Variants in FRMD7 observed in about 807,000 individuals in gnomAD.
FRMD7 encodes the protein FERM domain-containing protein 7.
Under a neutral mutation model 44.1 loss-of-function variants are expected in FRMD7, and 14 were observed. That is an observed-to-expected ratio of 0.32 (90% CI 0.21 to 0.50). The LOEUF (loss-of-function observed/expected upper bound fraction) is 0.50. Ranked by LOEUF, FRMD7 falls within the 20% of genes least tolerant of loss-of-function variation. The pLI, the probability that FRMD7 is intolerant of heterozygous loss-of-function variation, is 0.99. For synonymous variants in FRMD7, 212 were observed against 187.4 expected, an observed-to-expected ratio of 1.13 and a Z score of -1.07; for missense variants, 501 against 522.3, an observed-to-expected ratio of 0.96 and a Z score of 0.40.
chrX:132,078,969 TGA>T lies in FRMD7; in HGVS notation c.1051-5_1051-4del. The T allele has an allele frequency of 8.3e-7, 1 of 1,205,249 alleles. No homozygotes were observed. The highest frequency in any genetic ancestry group is 1.1e-6 in the Non-Finnish European group (1 of 890,255). On this transcript the variant is annotated splice_polypyrimidine_tract_variant and splice_region_variant and intron_variant, in intron 11 of 11. Transcript: ENST00000298542. ...TATGCTAGTCTCAAATCTTCCACCT[TGA>T]GAGAATGGACACATTGGTGAAAGAA...
intron 1 of FRMD7, among the ~76,000 whole-genome samples, chrX:132,124,765 T>A (rs1485600483): frequency 9.0e-6 from 1 of 111,609 alleles, no homozygotes; most frequent in Non-Finnish European, 1.9e-5. Flanking sequence ...GAAAAAGGAA[T>A]AACCAAGGCC....
intron 1 of FRMD7, among the ~76,000 whole-genome samples, chrX:132,109,427 T>C (rs1928725613): frequency 8.9e-6 from 1 of 112,271 alleles, no homozygotes; most frequent in Non-Finnish European, 1.9e-5. Flanking sequence ...CTGGGCTTAA[T>C]TTTCATGTGC....
At chrX:132,109,842 T>A (rs1358230855) in intron 1 of FRMD7, among the ~76,000 whole-genome samples, 2 of 111,215 alleles carry the variant, frequency 1.8e-5, no homozygotes, top group Non-Finnish European at 3.8e-5. Flanking sequence ...TTAGAAAACC[T>A]GGTTTGAACA....
At position 132,104,617 on chromosome X, in the gene FRMD7, C is replaced by T. The variant is rs759299870; in HGVS notation, c.58-3901G>A. On this transcript the variant is annotated intron_variant, in intron 1 of 11. Transcript: ENST00000298542. ...CTGAGGCAGGAGAATGGTGTGAACCCGGGAGGCGGAGCTTGCAGTGAGCTG... is the reference window on the plus strand; with the variant it reads ...CTGAGGCAGGAGAATGGTGTGAACCTGGGAGGCGGAGCTTGCAGTGAGCTG... 2.0e-4 allele frequency among the ~76,000 whole-genome samples: 22 copies of T among 111,335 alleles called. 1 individual carries two copies. The highest frequency in any genetic ancestry group is 3.8e-4 in the South Asian group (1 of 2,644).
chrX:132,127,147 G>C (rs1185132957), intron 1 of FRMD7, among the ~76,000 whole-genome samples: 1 of 112,268 alleles, frequency 8.9e-6, no homozygotes, highest in Non-Finnish European at 1.9e-5. Flanking sequence ...TAAGATGTTG[G>C]AACATGAGCA....
At position 132,078,429 on chromosome X, in the gene FRMD7, G is replaced by A. The variant is rs200651852; in HGVS notation, c.1588C>T (p.Pro530Ser). The change falls in exon 12 of 12, where the codon CCA becomes TCA. Residue 530 changes from proline to serine, a missense_variant. By Grantham distance (74) the Pro-to-Ser change is moderately conservative. Coordinates refer to ENST00000298542, the MANE Select transcript of FRMD7 (RefSeq NM_194277.3). ...ATATTCCTTGGGCTTCTTTCAGCTGGCTTCATTGCAGTGGGCTCTACATAG... is the reference window on the plus strand; with the variant it reads ...ATATTCCTTGGGCTTCTTTCAGCTGACTTCATTGCAGTGGGCTCTACATAG... ...HSYVEPTAMKPAERSPRNIRM... is the reference protein window; with the variant it reads ...HSYVEPTAMKSAERSPRNIRM... 28 of 1,209,500 alleles carry A rather than the reference G, an allele frequency of 2.3e-5. No individual in the cohort carries two copies. Among genetic ancestry groups the A allele is most frequent in the Admixed American group, 2.2e-5 (1 of 45,674 alleles).
intron 9 of FRMD7, among the ~76,000 whole-genome samples, chrX:132,081,087 C>T (rs1469137516): frequency 9.0e-6 from 1 of 111,666 alleles, no homozygotes; most frequent in Non-Finnish European, 1.9e-5. Context: ...GTAATTCGAG[C>T]ACTTTGGGAG....
intron 5 of FRMD7, 46 bp downstream of exon 5, chrX:132,093,996 C>G (rs1602810829): frequency 2.5e-6 from 2 of 799,763 alleles, no homozygotes; most frequent in Middle Eastern, 2.8e-4. Flanking sequence ...GCTTGGTTCT[C>G]TACCTGGCTG....
At chrX:132,108,885 C>A (rs112094064) in intron 1 of FRMD7, among the ~76,000 whole-genome samples, 2 of 111,051 alleles carry the variant, frequency 1.8e-5, no homozygotes, top group African/African-American at 3.3e-5. Context: ...AAGAGGTGCC[C>A]GTCCGCCATG....
intron 1 of FRMD7, among the ~76,000 whole-genome samples, chrX:132,112,885 G>A (rs1928813173): frequency 9.0e-6 from 1 of 111,725 alleles, no homozygotes; most frequent in Non-Finnish European, 1.9e-5. Flanking sequence ...GAGGCCTTAT[G>A]CAGGCCTGAC....
chrX:132,085,596 T>C lies in FRMD7; in HGVS notation c.630A>G (p.Gly210=). ...GAGATTTTACCCGTAACACCAGTAC[T>C]CCCATGTGAGCAACAGCCAGGTGAA... ...MQIHLAVAHM[G]VLVLRGNTKI... Residue 210 remains glycine (G), a synonymous_variant, in exon 7 of 12, where the codon GGA becomes GGG. Coordinates refer to ENST00000298542, the MANE Select transcript of FRMD7 (RefSeq NM_194277.3). 5.8e-6 allele frequency: 7 copies of C among 1,211,130 alleles called. No homozygotes were observed. The highest frequency in any genetic ancestry group is 7.8e-6 in the Non-Finnish European group (7 of 894,996).
In FRMD7 at chrX:132,078,267, C is replaced by T. The variant is rs752113123; in HGVS notation, c.1750G>A (p.Glu584Lys). 2 of 1,209,745 alleles carry T rather than the reference C, an allele frequency of 1.7e-6. No homozygotes were observed. The highest frequency in any genetic ancestry group is 2.2e-6 in the Non-Finnish European group (2 of 894,715). ...CTCTGGGACCTTTTAGGGGTTTGCT[C>T]TTGAATGTTACATACAAATGCATCT... ...LEDAFVCNIQ[E>K]QTPKRSQSQS... Residue 584 changes from glutamate (E) to lysine (K), a missense_variant, in exon 12 of 12, where the codon GAG becomes AAG. This residue lies in a region of FRMD7 where 453 missense variants were observed against 452.7 expected (regional missense o/e 1.00). Coordinates refer to ENST00000298542, the MANE Select transcript of FRMD7 (RefSeq NM_194277.3).
chrX:132,077,659 G>T lies in FRMD7; in HGVS notation c.*213C>A. ...CTTGCCACAGTGCTGGTGAGGAGAG[G>T]GCATGTTCTAAAGTCCCTTCAGAGG... On this transcript the variant is annotated 3_prime_UTR_variant, in exon 12 of 12. Coordinates refer to ENST00000298542, the MANE Select transcript of FRMD7 (RefSeq NM_194277.3). 1 of 474,916 alleles carries T rather than the reference G, an allele frequency of 2.1e-6. No individual in the cohort carries two copies. Among genetic ancestry groups the T allele is most frequent in the Admixed American group, 4.0e-5 (1 of 25,137 alleles). The allele number at this position is 474,916 out of a possible 1,213,427, so 39.1% of individuals were successfully genotyped here.
chrX:132,124,324 C>G (rs17316917), intron 1 of FRMD7, among the ~76,000 whole-genome samples: 3,293 of 111,840 alleles, frequency 0.029, 62 homozygotes, highest in Non-Finnish European at 0.047. Flanking sequence ...TCTAGAGAGC[C>G]TTCCTTGACA....
chrX:132,083,838 C>T (rs143492228), intron 8 of FRMD7, among the ~76,000 whole-genome samples: 28 of 111,444 alleles, frequency 2.5e-4, no homozygotes, highest in African/African-American at 8.5e-4. Context: ...TGGCACATGC[C>T]TGTAGTCCTA....
intron 5 of FRMD7, among the ~76,000 whole-genome samples, chrX:132,089,639 A>G (rs1928105610): frequency 8.9e-6 from 1 of 112,165 alleles, no homozygotes; most frequent in African/African-American, 3.2e-5. Context: ...CCCTCTTAAA[A>G]CTCAATAATA....
chrX:132,115,041 T>C (rs1928868490), intron 1 of FRMD7, among the ~76,000 whole-genome samples: 1 of 112,400 alleles, frequency 8.9e-6, no homozygotes, highest in South Asian at 3.7e-4. Flanking sequence ...CTGTAGGTGA[T>C]TCTCAAAGAT....
At chrX:132,118,051 T>C (rs927062719) in intron 1 of FRMD7, among the ~76,000 whole-genome samples, 1 of 111,650 alleles carries the variant, frequency 9.0e-6, no homozygotes, top group Admixed American at 9.5e-5. Context: ...ATACAAATTA[T>C]GGGAAGGAAT....
chrX:132,123,294 A>T, intron 1 of FRMD7, among the ~76,000 whole-genome samples: 1 of 111,425 alleles, frequency 9.0e-6, no homozygotes, highest in South Asian at 3.8e-4. Flanking sequence ...GGTTTATCAG[A>T]CTCCAAATAT....
Sources: allele counts gnomAD v4.1 joint callset (sites outside exome capture counted in the v4.1 genomes callset), GRCh38; gene constraint gnomAD v4.1.1; regional missense constraint gnomAD v4.1.1; transcripts MANE v1.5; gene names NCBI Gene and HGNC (gene_info 2026-07-23, HGNC 2026-07-21).